Variants in VAV3 observed in about 807,000 individuals in gnomAD.
VAV3 encodes the protein guanine nucleotide exchange factor VAV3.
In VAV3, 94 loss-of-function variants were observed where a neutral mutation model predicts 131.2. The observed-to-expected ratio is 0.72, with a 90% CI of 0.61 to 0.85. VAV3 has a LOEUF of 0.85. Among genes scored for constraint, VAV3 ranks in the 40% least tolerant of loss-of-function variants. The probability of loss-of-function intolerance (pLI) is 0.00; values close to 1 mark genes in which losing one functional copy is unlikely to be tolerated. For missense variants in VAV3, 939 were observed against 1,002.7 expected (o/e 0.94, Z 0.86); for synonymous variants, 349 against 342.0 (o/e 1.02, Z -0.22).
intron 12 of VAV3, among the ~76,000 whole-genome samples, chr1:107,751,409 A>T (rs1412181682): frequency 6.6e-6 from 1 of 152,244 alleles, no homozygotes; most frequent in African/African-American, 2.4e-5. Context: ...TATGTCAAGG[A>T]CATCAATTGA....
chr1:107,680,388 G>T (rs995981894), intron 19 of VAV3, among the ~76,000 whole-genome samples: 2 of 151,698 alleles, frequency 1.3e-5, no homozygotes, highest in Non-Finnish European at 2.9e-5. Flanking sequence ...TAAAATTCAG[G>T]GTCTATTTAA....
chr1:107,953,244 T>A (rs1459127975), intron 1 of VAV3, among the ~76,000 whole-genome samples: 1 of 152,150 alleles, frequency 6.6e-6, no homozygotes. Context: ...TGTAGAGCAG[T>A]GATAAGATCT....
intron 15 of VAV3, 51 bp from the exon 16 acceptor site, chr1:107,705,112 G>T (rs1490738118): frequency 2.1e-6 from 3 of 1,415,622 alleles, no homozygotes; most frequent in Non-Finnish European, 9.8e-7. Context: ...CAACAAAGCT[G>T]CAATTTAGTC....
rs148654907 is a variant in VAV3, at chr1:107,680,499, C to T, written c.1777+2989G>A. 4.2e-3 allele frequency among the ~76,000 whole-genome samples: 644 copies of T among 152,180 alleles called. 4 individuals are homozygous for T. Among genetic ancestry groups the T allele is most frequent in the Non-Finnish European group, 6.4e-3 (433 of 68,004 alleles). ...TGCTATACTTAGCATTTACTATATA[C>T]TGGGCACCTTTGAGAGTACTTTACT... is the stretch of plus-strand genomic sequence containing the variant. On this transcript the variant is annotated intron_variant, in intron 19 of 26. Transcript: ENST00000370056.
chr1:107,607,058 GA>G (rs1652334117), intron 22 of VAV3, among the ~76,000 whole-genome samples: 1 of 151,192 alleles, frequency 6.6e-6, no homozygotes, highest in Non-Finnish European at 1.5e-5. Flanking sequence ...GGGTTCAAGT[GA>G]TTCTCCTGCC....
chr1:107,716,003 A>T (rs1661070737), intron 15 of VAV3, among the ~76,000 whole-genome samples: 1 of 152,234 alleles, frequency 6.6e-6, no homozygotes. Context: ...GAACAAAAGA[A>T]AGAAATCTGA....
chr1:107,591,999 CAT>C (rs1393680210), intron 25 of VAV3, among the ~76,000 whole-genome samples: 1 of 151,954 alleles, frequency 6.6e-6, no homozygotes, highest in Non-Finnish European at 1.5e-5. Flanking sequence ...TATATACACA[CAT>C]ATTTTATAAC....
intron 20 of VAV3, among the ~76,000 whole-genome samples, chr1:107,630,351 ATGGATGGATGGAT>A (rs1654372306): frequency 6.6e-6 from 1 of 151,472 alleles, no homozygotes; most frequent in Admixed American, 6.6e-5. Flanking sequence ...GGATGGGAGG[ATGGATGGATGGAT>A]GGATGGATGG....
At chr1:107,785,534 A>G in intron 2 of VAV3, 3 of 1,282,420 alleles carry the variant, frequency 2.3e-6, no homozygotes, top group Non-Finnish European at 3.0e-6. Flanking sequence ...TGGGGGTTCA[A>G]GAAGGGGTCC....
At chr1:107,940,982 T>C (rs1054662262) in intron 1 of VAV3, among the ~76,000 whole-genome samples, 2 of 87,412 alleles carry the variant, frequency 2.3e-5, no homozygotes, top group African/African-American at 7.6e-5. Context: ...ACTATGTATA[T>C]TTTAGCACAA....
chr1:107,867,076 T>C (rs995844432), intron 2 of VAV3, among the ~76,000 whole-genome samples: 10 of 152,192 alleles, frequency 6.6e-5, no homozygotes, highest in Admixed American at 2.0e-4. Flanking sequence ...TGCAGGACTT[T>C]TCAGTTCCTT....
intron 2 of VAV3, among the ~76,000 whole-genome samples, chr1:107,866,637 A>G (rs528218620): frequency 6.6e-6 from 1 of 151,972 alleles, no homozygotes; most frequent in Middle Eastern, 3.4e-3. Flanking sequence ...CTGGGCCAAC[A>G]TGGCGAAACC....
intron 21 of VAV3, among the ~76,000 whole-genome samples, chr1:107,612,143 T>TAC (rs397836183): frequency 0.011 from 1,342 of 127,340 alleles, 5 homozygotes; most frequent in Middle Eastern, 0.036. Context: ...TATATATATA[T>TAC]ACACACACAC....
intron 20 of VAV3, among the ~76,000 whole-genome samples, chr1:107,626,779 T>C (rs1201030316): frequency 6.6e-6 from 1 of 152,242 alleles, no homozygotes; most frequent in Non-Finnish European, 1.5e-5. Flanking sequence ...AAATGTTTAC[T>C]CTCTGGTTTA....
intron 25 of VAV3, among the ~76,000 whole-genome samples, chr1:107,583,312 C>T (rs111567893): frequency 5.3e-5 from 8 of 151,988 alleles, no homozygotes; most frequent in African/African-American, 9.7e-5. Context: ...ATACTGAATG[C>T]GAAAAAACTG....
At chr1:107,922,288 G>GTT (rs1672935023) in intron 1 of VAV3, among the ~76,000 whole-genome samples, 1 of 8,780 alleles carries the variant, frequency 1.1e-4, no homozygotes, top group African/African-American at 1.3e-4. Context: ...TTAATGTCTT[G>GTT]TTTTGTGTCA....
chr1:107,783,541 GCCT>G (rs1665815607), intron 2 of VAV3, among the ~76,000 whole-genome samples: 1 of 152,094 alleles, frequency 6.6e-6, no homozygotes, highest in Non-Finnish European at 1.5e-5. Context: ...TACCAGAAAA[GCCT>G]CCAGGATGCT....
intron 15 of VAV3, among the ~76,000 whole-genome samples, chr1:107,722,840 C>CTTTTTT (rs374127110): frequency 0.013 from 1,698 of 129,730 alleles, 100 homozygotes; most frequent in African/African-American, 0.04. Context: ...ATTATCCTCT[C>CTTTTTT]TTTTTTTTTT....
intron 25 of VAV3, among the ~76,000 whole-genome samples, chr1:107,593,265 C>G (rs548693799): frequency 3.9e-5 from 6 of 152,254 alleles, no homozygotes; most frequent in African/African-American, 1.2e-4. Flanking sequence ...ATTGTACATA[C>G]TTGAAAAAAT....
Sources: allele counts gnomAD v4.1 joint callset (sites outside exome capture counted in the v4.1 genomes callset), GRCh38; gene constraint gnomAD v4.1.1; transcripts MANE v1.5; gene names NCBI Gene and HGNC (gene_info 2026-07-23, HGNC 2026-07-21).